Variants in RGL3 observed in about 807,000 individuals in gnomAD.
The protein encoded by RGL3 is ral guanine nucleotide dissociation stimulator like 3, also known as ral guanine nucleotide dissociation stimulator-like 3.
Under a neutral mutation model 90.6 loss-of-function variants are expected in RGL3, and 85 were observed. The ratio of observed to expected loss-of-function variants is 0.94; its 90% CI spans 0.79 to 1.12. The LOEUF (loss-of-function observed/expected upper bound fraction) is 1.12, where lower values mean the gene tolerates loss of function less well. RGL3 is among the 50% of genes most tolerant of loss of function. The probability of loss-of-function intolerance (pLI) is 0.00; values close to 1 mark genes in which losing one functional copy is unlikely to be tolerated. For missense variants in RGL3, 1,034 were observed against 939.2 expected, an observed-to-expected ratio of 1.10 and a Z score of -1.32; for synonymous variants, 408 against 385.5, an observed-to-expected ratio of 1.06 and a Z score of -0.68.
chr19:11,401,934 T>C (rs1323202199), intron 13 of RGL3, 77 bp downstream of exon 13: 2 of 1,490,220 alleles, frequency 1.3e-6, no homozygotes, highest in East Asian at 2.3e-5. Flanking sequence ...GCTGGAGGTG[T>C]GTATGGAGTG....
At chr19:11,410,234 C>T (rs1308305600) in intron 5 of RGL3, among the ~76,000 whole-genome samples, 1 of 151,614 alleles carries the variant, frequency 6.6e-6, no homozygotes, top group Non-Finnish European at 1.5e-5. Flanking sequence ...CTCCTGACCT[C>T]AGGTGATCCT....
intron 5 of RGL3, among the ~76,000 whole-genome samples, chr19:11,410,551 G>A (rs1968857328): frequency 6.6e-6 from 1 of 151,806 alleles, no homozygotes; most frequent in South Asian, 2.1e-4. Flanking sequence ...GCATCCTGAT[G>A]CACACCTGCT....
At chr19:11,416,343 C>T in intron 4 of RGL3, 195 bp from the exon 5 acceptor site, 1 of 617,952 alleles carries the variant, frequency 1.6e-6, no homozygotes, top group South Asian at 2.1e-5. Flanking sequence ...TGCGCCACCA[C>T]ACCCAGCTAC....
At chr19:11,405,683 T>C (rs1413382674) in intron 7 of RGL3, among the ~76,000 whole-genome samples, 1 of 149,586 alleles carries the variant, frequency 6.7e-6, no homozygotes, top group African/African-American at 2.5e-5. Flanking sequence ...CCATCATGCA[T>C]GGCTTATTAT....
chr19:11,409,350 G>A (rs562676410), intron 5 of RGL3, among the ~76,000 whole-genome samples: 25 of 151,972 alleles, frequency 1.6e-4, no homozygotes, highest in Non-Finnish European at 2.8e-4. Context: ...GCGTGGTGGC[G>A]GGCGCCTGTA....
At chr19:11,413,231 G>GAAAAAAAAAAA (rs765531257) in intron 5 of RGL3, among the ~76,000 whole-genome samples, 1 of 89,178 alleles carries the variant, frequency 1.1e-5, no homozygotes. Context: ...TTTTGAAAAA[G>GAAAAAAAAAAA]AAAAAAAAAA....
chr19:11,409,878 G>A (rs1475541916), intron 5 of RGL3, among the ~76,000 whole-genome samples: 1 of 152,136 alleles, frequency 6.6e-6, no homozygotes, highest in Non-Finnish European at 1.5e-5. Context: ...GTTTATTGCT[G>A]TGTAAGTTAC....
intron 4 of RGL3, 68 bp from the exon 5 acceptor site, chr19:11,416,216 C>CT (rs143904966): frequency 0.014 from 8,589 of 626,498 alleles, 2 homozygotes; most frequent in South Asian, 0.019. Flanking sequence ...CTCCTGGTAC[C>CT]TTTTTTTTTT....
Position 11,415,952 on chromosome 19 carries a change from G to A in RGL3, c.622C>T (p.Pro208Ser). 1 of 1,613,580 alleles carries A rather than the reference G, an allele frequency of 6.2e-7. No individual in the cohort carries two copies. Among genetic ancestry groups the A allele is most frequent in the Non-Finnish European group, 8.5e-7 (1 of 1,179,802 alleles). Residue 208 changes from proline (P) to serine (S), a missense_variant, in exon 5 of 19, where the codon CCT (proline) becomes TCT (serine). Coordinates refer to ENST00000380456, the MANE Select transcript of RGL3 (RefSeq NM_001035223.4). ...AACCCCTCACCTGTCCACACCTGAG[G>A]CGGCTCCTCTTCCTGCTCTCGCTCA... ...EAEREQEEEPPQVWTGPPRVA... is the reference protein window; with the variant it reads ...EAEREQEEEPSQVWTGPPRVA...
Position 11,416,390 on chromosome 19 carries a change from G to C in RGL3, c.425+224C>G, listed in dbSNP as rs969955730. 7 of 621,730 alleles carry C rather than the reference G, an allele frequency of 1.1e-5. No individual in the cohort carries two copies. In the African/African-American group the frequency reaches 1.3e-4, roughly 11 times the overall value. 38.5% of individuals were successfully genotyped at this position (621,730 alleles called of 1,614,324 possible). On this transcript the variant is annotated intron_variant, in intron 4 of 18. Coordinates refer to ENST00000380456, the MANE Select transcript of RGL3 (RefSeq NM_001035223.4). ...GTTGTTGTATTTTTAGTAGAGACAG[G>C]GTTTCGCCATATTGGCCAGGATGGT...
intron 5 of RGL3, among the ~76,000 whole-genome samples, chr19:11,413,782 C>T (rs1968912485): frequency 6.8e-6 from 1 of 146,514 alleles, no homozygotes; most frequent in Admixed American, 6.9e-5. Flanking sequence ...CTCGCTCTGT[C>T]ACCCAGGCTG....
Position 11,405,378 on chromosome 19 carries a change from C to A in RGL3, c.1045G>T (p.Ala349Ser). 1 of 1,608,634 alleles carries A rather than the reference C, an allele frequency of 6.2e-7. No homozygotes were observed. Among genetic ancestry groups the A allele is most frequent in the Non-Finnish European group, 8.5e-7 (1 of 1,177,884 alleles). ...NFSSLRAILSALQSNPIYRLK... is the reference protein window; with the variant it reads ...NFSSLRAILSSLQSNPIYRLK... ...CGGTAGATGGGGTTAGATTGCAGGG[C>A]GGACAGGATGGCGCGCAAGGAGGAG... is the stretch of plus-strand genomic sequence containing the variant. The change falls in exon 8 of 19, where the codon GCC (alanine) becomes TCC (serine). Residue 349 changes from alanine to serine, a missense_variant. Physicochemically the swap from Ala to Ser is moderately conservative, Grantham distance 99. Coordinates refer to ENST00000380456, the MANE Select transcript of RGL3 (RefSeq NM_001035223.4).
intron 9 of RGL3, among the ~76,000 whole-genome samples, chr19:11,404,541 A>T (rs1269569293): frequency 6.6e-6 from 1 of 151,738 alleles, no homozygotes; most frequent in Non-Finnish European, 1.5e-5. Context: ...CAAACAAACA[A>T]AGAAACAAAA....
chr19:11,406,636 T>C lies in RGL3; in HGVS notation c.781-2A>G, dbSNP rs773615218. 24 of 1,567,316 alleles carry C rather than the reference T, an allele frequency of 1.5e-5. 1 individual carries two copies. In the East Asian group the frequency reaches 5.4e-4, roughly 35 times the overall value. ...GAGCCTCACCTTGGAGAAGAGCTCC[T>C]GGGCCAGGGGAGGGGTGTGGGATTG... is the stretch of plus-strand genomic sequence containing the variant. On this transcript the variant is annotated splice_acceptor_variant, in intron 6 of 18. Transcript: ENST00000380456. LOFTEE classifies it high-confidence loss of function.
intron 13 of RGL3, 38 bp from the exon 14 acceptor site, chr19:11,400,335 G>T: frequency 1.3e-6 from 2 of 1,506,738 alleles, no homozygotes; most frequent in Non-Finnish European, 1.8e-6. Flanking sequence ...GTGGGGGCAG[G>T]AAATACAGGG....
At chr19:11,395,374 C>T (rs1052151137) in intron 18 of RGL3, among the ~76,000 whole-genome samples, 49 of 152,194 alleles carry the variant, frequency 3.2e-4, no homozygotes, top group African/African-American at 9.6e-4. Flanking sequence ...AGCGTGAATA[C>T]GCTCAATCCC....
chr19:11,416,156 G>A lies in RGL3; in HGVS notation c.426-8C>T. The A allele has an allele frequency of 1.3e-6, 2 of 1,527,064 alleles. No individual in the cohort carries two copies. Among genetic ancestry groups the A allele is most frequent in the South Asian group, 2.5e-5 (2 of 78,474 alleles). The allele number at this position is 1,527,064 out of a possible 1,614,324, so 94.6% of individuals were successfully genotyped here. On this transcript the variant is annotated splice_polypyrimidine_tract_variant and splice_region_variant and intron_variant, in intron 4 of 18. Transcript: ENST00000380456. ...AGCACTGACACCACAGCCCTGGCCA[G>A]AGAGGCAGGGTCTCAGAGCTGGGTC...
At chr19:11,419,160 G>T in intron 1 of RGL3, 86 bp downstream of exon 1, 1 of 1,449,982 alleles carries the variant, frequency 6.9e-7, no homozygotes, top group Non-Finnish European at 9.5e-7. Context: ...ATTGGGAGCA[G>T]ATACCGTCCG....
Position 11,405,372 on chromosome 19 carries a change from G to A in RGL3, c.1051C>T (p.Gln351Ter). The A allele has an allele frequency of 6.2e-7, 1 of 1,611,592 alleles. No homozygotes were observed. Among genetic ancestry groups the A allele is most frequent in the Admixed American group, 1.7e-5 (1 of 59,410 alleles). ...TTGAGCCGGTAGATGGGGTTAGATT[G>A]CAGGGCGGACAGGATGGCGCGCAAG... The part of the protein sequence containing the change: ...SSLRAILSAL[Q>*]SNPIYRLKRS... Residue 351 changes from glutamine to a stop codon, truncating the protein, a stop_gained, in exon 8 of 19, where the codon CAA becomes TAA. Coordinates refer to ENST00000380456, the MANE Select transcript of RGL3 (RefSeq NM_001035223.4). LOFTEE classifies it high-confidence loss of function.
Sources: allele counts gnomAD v4.1 joint callset (sites outside exome capture counted in the v4.1 genomes callset), GRCh38; gene constraint gnomAD v4.1.1; transcripts MANE v1.5; gene names NCBI Gene and HGNC (gene_info 2026-07-23, HGNC 2026-07-21).